KTN1: variants seen among roughly 807,000 people sequenced by gnomAD.
KTN1 encodes kinectin.
KTN1 carries 130 observed loss-of-function variants against 222.5 expected under a neutral mutation model. That is an observed-to-expected ratio of 0.58 (90% CI 0.51 to 0.68). KTN1 has a LOEUF of 0.68. Ranked by LOEUF, KTN1 falls within the 30% of genes least tolerant of loss-of-function variation. KTN1 has a pLI of 0.00. For missense variants in KTN1, 1,508 were observed against 1,500.4 expected (o/e 1.01, Z -0.08); for synonymous variants, 512 against 496.3 (o/e 1.03, Z -0.42).
intron 34 of KTN1, 83 bp from the exon 35 acceptor site, chr14:55,670,646 T>A: frequency 1.1e-6 from 1 of 882,874 alleles, no homozygotes. Context: ...TTATCTAATT[T>A]GGTTATTTTA....
intron 24 of KTN1, chr14:55,651,488 GGT>G: frequency 2.5e-6 from 1 of 399,268 alleles, no homozygotes; most frequent in African/African-American, 2.1e-5. Context: ...ACAGTAGGGA[GGT>G]GTGTGGAGAG....
At chr14:55,652,619 T>C (rs750223341) in intron 25 of KTN1, among the ~76,000 whole-genome samples, 10 of 152,264 alleles carry the variant, frequency 6.6e-5, no homozygotes, top group Non-Finnish European at 1.5e-4. Flanking sequence ...CAGGATGGTC[T>C]TGATCTCCTG....
chr14:55,666,452 A>C (rs1396214171), intron 33 of KTN1, among the ~76,000 whole-genome samples: 1 of 151,362 alleles, frequency 6.6e-6, no homozygotes, highest in Non-Finnish European at 1.5e-5. Flanking sequence ...GGTAGTTGAA[A>C]TGTTACATTT....
At chr14:55,660,639 TTATTGAC>T (rs1467649642) in intron 31 of KTN1, among the ~76,000 whole-genome samples, 1 of 152,170 alleles carries the variant, frequency 6.6e-6, no homozygotes, top group East Asian at 1.9e-4. Context: ...TAGGTTAGAA[TTATTGAC>T]TATTAAATCG....
chr14:55,619,559 GGGGA>G (rs1399837569), intron 5 of KTN1, among the ~76,000 whole-genome samples: 1 of 152,140 alleles, frequency 6.6e-6, no homozygotes, highest in African/African-American at 2.4e-5. Context: ...CTACGTGGCT[GGGGA>G]GGCCTCACAA....
chr14:55,657,991 G>A (rs955702923), intron 29 of KTN1, among the ~76,000 whole-genome samples: 2 of 151,162 alleles, frequency 1.3e-5, no homozygotes, highest in African/African-American at 4.9e-5. Flanking sequence ...CTTATTTAGT[G>A]TAACTTATTT....
intron 34 of KTN1, chr14:55,668,863 T>C (rs1230858611): frequency 6.6e-6 from 1 of 152,132 alleles, no homozygotes; most frequent in Non-Finnish European, 1.5e-5. Flanking sequence ...CCTACATTTA[T>C]TTCAAGTAAG....
chr14:55,670,544 C>T (rs370054973), intron 34 of KTN1, among the ~76,000 whole-genome samples, 185 bp from the exon 35 acceptor site: 1 of 151,956 alleles, frequency 6.6e-6, no homozygotes. Flanking sequence ...GCTTGTTTTT[C>T]AAAGTGGGTT....
rs201085354 is a variant in KTN1 at position 55,633,268 on chromosome 14, A to G, written c.1255A>G (p.Ile419Val). The change falls in exon 8 of 44, where the codon ATA becomes GTA. Residue 419 changes from isoleucine (I) to valine (V), a missense_variant. Physicochemically the swap from Ile to Val is conservative, Grantham distance 29 (BLOSUM62 3). Transcript: ENST00000395314. ...AGTTCGTGAGCAGATGGAGGCAGAG[A>G]TAGCTCACTTGAAGCAGGAAAATGG... ...QQVREQMEAE[I>V]AHLKQENGIL... 6.3e-7 allele frequency: 1 copy of G among 1,596,698 alleles called. No individual in the cohort carries two copies. Among genetic ancestry groups the G allele is most frequent in the Non-Finnish European group, 8.5e-7 (1 of 1,171,506 alleles).
At chr14:55,607,128 T>A (rs1233118276) in intron 1 of KTN1, among the ~76,000 whole-genome samples, 2 of 152,182 alleles carry the variant, frequency 1.3e-5, no homozygotes, top group Non-Finnish European at 2.9e-5. Context: ...TAGGTTTCAC[T>A]TCTTTGTTAT....
intron 2 of KTN1, among the ~76,000 whole-genome samples, chr14:55,614,721 G>T (rs2038095411): frequency 6.6e-6 from 1 of 152,340 alleles, no homozygotes; most frequent in African/African-American, 2.4e-5. Context: ...TCATGCTGCA[G>T]TGGCAGACTT....
chr14:55,660,660 C>G (rs776369059), intron 31 of KTN1, among the ~76,000 whole-genome samples: 10 of 151,918 alleles, frequency 6.6e-5, no homozygotes, highest in Non-Finnish European at 1.0e-4. Flanking sequence ...TAAATCGAGT[C>G]TTGAGTTTGA....
chr14:55,637,336 A>G lies in KTN1; in HGVS notation c.1688A>G (p.Lys563Arg). ...GAATCAGAGCAGAAAAGGGTGAACA[A>G]AGAAGAGTCTCTACAAATGCAGGTT... is the stretch of plus-strand genomic sequence containing the variant. ...LMESEQKRVN[K>R]EESLQMQVQD... The change falls in exon 11 of 44, where the codon AAA (lysine) becomes AGA (arginine). Residue 563 changes from lysine (K) to arginine (R), a missense_variant. Lys to Arg is a conservative substitution (Grantham distance 26). Transcript: ENST00000395314. The G allele has an allele frequency of 1.3e-6, 2 of 1,596,764 alleles. No homozygotes were observed. Among genetic ancestry groups the G allele is most frequent in the Non-Finnish European group, 1.7e-6 (2 of 1,172,202 alleles).
intron 15 of KTN1, among the ~76,000 whole-genome samples, 161 bp from the exon 16 acceptor site, chr14:55,640,768 GAAGT>G (rs2041707625): frequency 6.6e-6 from 1 of 151,888 alleles, no homozygotes; most frequent in Non-Finnish European, 1.5e-5. Flanking sequence ...TAGAATAAAA[GAAGT>G]AAAAAATATC....
Position 55,673,400 on chromosome 14 carries a change from T to G in KTN1, c.3771+145T>G. The G allele has an allele frequency of 5.9e-6, 3 of 508,980 alleles. No homozygotes were observed. The South Asian group carries it at 1.2e-4, about 20-fold the overall frequency. 31.5% of individuals were successfully genotyped at this position (508,980 alleles called of 1,614,324 possible). ...GTCTAAGATAATCTTCATATTCCGA[T>G]GATTCCTAAGATTATCTTTCTTTTC... On this transcript the variant is annotated intron_variant, in intron 40 of 43. Coordinates refer to ENST00000395314, the MANE Select transcript of KTN1 (RefSeq NM_001079521.2).
chr14:55,680,322 C>G (rs922344154), intron 43 of KTN1: 14 of 174,872 alleles, frequency 8.0e-5, no homozygotes, highest in Non-Finnish European at 1.4e-4. Flanking sequence ...TTTAAAATGA[C>G]TTGTATTCCA....
intron 22 of KTN1, among the ~76,000 whole-genome samples, 190 bp downstream of exon 22, chr14:55,650,003 A>C (rs185927694): frequency 3.9e-5 from 6 of 151,924 alleles, no homozygotes; most frequent in African/African-American, 1.2e-4. Context: ...TTAAAAAAAA[A>C]AAAACAAAAA....
Position 55,612,240 on chromosome 14 carries a change from G to T in KTN1, c.192G>T (p.Lys64Asn), listed in dbSNP as rs147826949. The T allele has an allele frequency of 1.3e-6, 2 of 1,585,896 alleles. No individual in the cohort carries two copies. Among genetic ancestry groups the T allele is most frequent in the East Asian group, 4.5e-5 (2 of 44,718 alleles). ...KKKAEKKKNK[K>N]KEIQNGNLHE... ...AAGCAGAAAAGAAAAAGAATAAAAA[G>T]AAAGAAATCCAGAATGGAAACCTCC... The change falls in exon 2 of 44, where the codon AAG becomes AAT. Residue 64 changes from lysine to asparagine, a missense_variant. Lys to Asn is a moderately conservative substitution (Grantham distance 94). Coordinates refer to ENST00000395314, the MANE Select transcript of KTN1 (RefSeq NM_001079521.2).
chr14:55,667,361 A>G (rs1285243687), intron 34 of KTN1, 31 bp downstream of exon 34: 2 of 1,302,600 alleles, frequency 1.5e-6, no homozygotes, highest in Admixed American at 1.9e-5. Flanking sequence ...TTTTAACATG[A>G]TGACATTATT....
Sources: allele counts gnomAD v4.1 joint callset (sites outside exome capture counted in the v4.1 genomes callset), GRCh38; gene constraint gnomAD v4.1.1; transcripts MANE v1.5; gene names NCBI Gene and HGNC (gene_info 2026-07-23, HGNC 2026-07-21).